Variants in CWC22 observed in about 807,000 individuals in gnomAD.
CWC22 encodes the protein pre-mRNA-splicing factor CWC22 homolog.
Under a neutral mutation model 117.2 loss-of-function variants are expected in CWC22, and 53 were observed. That is an observed-to-expected ratio of 0.45 (90% CI 0.36 to 0.57). The LOEUF (loss-of-function observed/expected upper bound fraction) is 0.57, where lower values mean the gene tolerates loss of function less well. Ranked by LOEUF, CWC22 falls within the 20% of genes least tolerant of loss-of-function variation. The probability of loss-of-function intolerance (pLI) is 0.00; values close to 1 mark genes in which losing one functional copy is unlikely to be tolerated. For missense variants in CWC22, 980 were observed against 1,068.8 expected (o/e 0.92, Z 1.16); for synonymous variants, 360 against 355.6 (o/e 1.01, Z -0.14).
chr2:179,963,237 A>T (rs1686798800), intron 13 of CWC22, among the ~76,000 whole-genome samples: 1 of 152,064 alleles, frequency 6.6e-6, no homozygotes, highest in Admixed American at 6.5e-5. Flanking sequence ...GGATTTCTAA[A>T]AGGACAAACA....
At chr2:179,985,856 T>C (rs1263882399) in intron 4 of CWC22, among the ~76,000 whole-genome samples, 1 of 152,078 alleles carries the variant, frequency 6.6e-6, no homozygotes, top group East Asian at 1.9e-4. Flanking sequence ...ATCTGCAGTT[T>C]CAGGCACCCA....
chr2:179,964,477 G>A, intron 13 of CWC22, 70 bp downstream of exon 13: 5 of 768,980 alleles, frequency 6.5e-6, no homozygotes, highest in Middle Eastern at 2.4e-4. Flanking sequence ...ACCCTAAAAT[G>A]TATCCCTGAT....
intron 4 of CWC22, among the ~76,000 whole-genome samples, chr2:179,985,551 C>T (rs1030414868): frequency 6.6e-6 from 1 of 152,002 alleles, no homozygotes; most frequent in Non-Finnish European, 1.5e-5. Flanking sequence ...ATTATTAAAA[C>T]GCCGACATCT....
chr2:179,979,044 A>G (rs923041139), intron 5 of CWC22, among the ~76,000 whole-genome samples: 3 of 152,130 alleles, frequency 2.0e-5, no homozygotes, highest in African/African-American at 2.4e-5. Flanking sequence ...AATGCTCTAC[A>G]GTTCTATGGG....
intron 13 of CWC22, among the ~76,000 whole-genome samples, chr2:179,963,920 CACAT>C (rs1686825243): frequency 6.6e-6 from 1 of 152,156 alleles, no homozygotes; most frequent in South Asian, 2.1e-4. Flanking sequence ...TAGGTTGATT[CACAT>C]ACAAACTACC....
intron 13 of CWC22, among the ~76,000 whole-genome samples, chr2:179,960,049 T>C (rs1188924921): frequency 6.6e-6 from 1 of 152,122 alleles, no homozygotes; most frequent in African/African-American, 2.4e-5. Context: ...ACACATGATG[T>C]GTAAGTTTCT....
chr2:179,963,122 C>T (rs1686796006), intron 13 of CWC22, among the ~76,000 whole-genome samples: 1 of 151,774 alleles, frequency 6.6e-6, no homozygotes, highest in African/African-American at 2.4e-5. Context: ...ATCAAGGTTA[C>T]GTTTCTTTTA....
chr2:179,990,317 C>G (rs538463015), intron 2 of CWC22, among the ~76,000 whole-genome samples: 3 of 152,164 alleles, frequency 2.0e-5, no homozygotes, highest in Admixed American at 2.0e-4. Flanking sequence ...AGGTCAAATA[C>G]AAAGCACAAG....
At chr2:179,961,820 G>C (rs1011834397) in intron 13 of CWC22, among the ~76,000 whole-genome samples, 2 of 151,948 alleles carry the variant, frequency 1.3e-5, no homozygotes, top group Non-Finnish European at 2.9e-5. Flanking sequence ...AATATTAAAT[G>C]AATTAAATTT....
chr2:179,980,933 A>G (rs1046105860), intron 5 of CWC22, among the ~76,000 whole-genome samples: 3 of 152,212 alleles, frequency 2.0e-5, no homozygotes, highest in African/African-American at 7.2e-5. Context: ...TTAGAGAAAA[A>G]TATCTTAAAA....
At chr2:179,959,576 T>C (rs1234122849) in intron 13 of CWC22, among the ~76,000 whole-genome samples, 1 of 152,116 alleles carries the variant, frequency 6.6e-6, no homozygotes, top group Non-Finnish European at 1.5e-5. Context: ...TGTGAGAACA[T>C]CACAGAGTGT....
chr2:179,946,464 A>AAGGG (rs1553556646), intron 19 of CWC22, among the ~76,000 whole-genome samples: 1 of 92,538 alleles, frequency 1.1e-5, no homozygotes, highest in Non-Finnish European at 2.0e-5. Flanking sequence ...AAAAAAAAAA[A>AAGGG]GGGGGGGGGG....
chr2:179,999,703 A>C (rs1239894440), intron 1 of CWC22, among the ~76,000 whole-genome samples: 1 of 152,182 alleles, frequency 6.6e-6, no homozygotes, highest in Non-Finnish European at 1.5e-5. Context: ...AAAATTGCTA[A>C]AGGAAAGGGG....
intron 2 of CWC22, among the ~76,000 whole-genome samples, chr2:179,989,797 A>C (rs534204284): frequency 3.3e-5 from 5 of 152,178 alleles, no homozygotes; most frequent in Non-Finnish European, 7.4e-5. Flanking sequence ...CCTTTTTTTA[A>C]GAATTAAAAT....
chr2:180,004,945 T>A (rs572197745), intron 1 of CWC22, among the ~76,000 whole-genome samples: 1 of 149,710 alleles, frequency 6.7e-6, no homozygotes, highest in East Asian at 2.0e-4. Context: ...GGAGGATGAA[T>A]CATAGCATGC....
At chr2:179,946,282 T>C (rs1686296628) in intron 19 of CWC22, among the ~76,000 whole-genome samples, 1 of 151,706 alleles carries the variant, frequency 6.6e-6, no homozygotes, top group Non-Finnish European at 1.5e-5. Context: ...AAACCCCTTC[T>C]CTACAAAAAA....
chr2:179,977,125 G>T (rs571187833), intron 6 of CWC22, among the ~76,000 whole-genome samples: 1 of 151,960 alleles, frequency 6.6e-6, no homozygotes, highest in Non-Finnish European at 1.5e-5. Flanking sequence ...ACTGTACTCC[G>T]GCCTGACAAT....
Position 179,973,220 on chromosome 2 carries a change from A to C in CWC22, c.777T>G (p.Phe259Leu). ...DKQLCLTASK[F>L]VAHLINQNVA... ...CATTTTGGTTAATAAGATGCGCCAC[A>C]AATTTTGAAGCAGTCAGGCAAAGTT... The change falls in exon 8 of 20, where the codon TTT (phenylalanine) becomes TTG (leucine). Residue 259 changes from phenylalanine (F) to leucine (L), a missense_variant. Phe to Leu is a conservative substitution (Grantham distance 22). Transcript: ENST00000410053. 1 of 1,602,392 alleles carries C rather than the reference A, an allele frequency of 6.2e-7. No homozygotes were observed. Among genetic ancestry groups the C allele is most frequent in the Non-Finnish European group, 8.5e-7 (1 of 1,173,770 alleles).
intron 2 of CWC22, among the ~76,000 whole-genome samples, chr2:179,990,222 A>G (rs1442541943): frequency 6.6e-6 from 1 of 152,214 alleles, no homozygotes; most frequent in African/African-American, 2.4e-5. Context: ...AAAGTTTTAA[A>G]AATTATTTCA....
Sources: allele counts gnomAD v4.1 joint callset (sites outside exome capture counted in the v4.1 genomes callset), GRCh38; gene constraint gnomAD v4.1.1; transcripts MANE v1.5; gene names NCBI Gene and HGNC (gene_info 2026-07-23, HGNC 2026-07-21).